SLCO3A1: variants seen among roughly 807,000 people sequenced by gnomAD.
The protein encoded by SLCO3A1 is solute carrier organic anion transporter family member 3A1, also known as PGE1 transporter.
Under a neutral mutation model 63.1 loss-of-function variants are expected in SLCO3A1, and 27 were observed. That is an observed-to-expected ratio of 0.43 (90% CI 0.32 to 0.59). The LOEUF (loss-of-function observed/expected upper bound fraction) is 0.59, where lower values mean the gene tolerates loss of function less well. Ranked by LOEUF, SLCO3A1 falls within the 20% of genes least tolerant of loss-of-function variation. SLCO3A1 has a pLI of 0.09. For missense variants in SLCO3A1, 773 were observed against 945.8 expected, an observed-to-expected ratio of 0.82 and a Z score of 2.40; for synonymous variants, 473 against 409.9, an observed-to-expected ratio of 1.15 and a Z score of -1.86.
chr15:92,018,427 C>T (rs1296803099), intron 2 of SLCO3A1, among the ~76,000 whole-genome samples: 1 of 152,196 alleles, frequency 6.6e-6, no homozygotes, highest in Non-Finnish European at 1.5e-5. Flanking sequence ...CTCCCTCCCT[C>T]CTAACCAGTG....
chr15:91,991,554 G>C (rs1368535184), intron 2 of SLCO3A1, among the ~76,000 whole-genome samples: 1 of 152,170 alleles, frequency 6.6e-6, no homozygotes, highest in African/African-American at 2.4e-5. Flanking sequence ...ACATTTGAGT[G>C]ATCTAAAATT....
intron 2 of SLCO3A1, among the ~76,000 whole-genome samples, chr15:92,047,512 TAAATAC>T (rs1567087715): frequency 5.4e-5 from 1 of 18,476 alleles, no homozygotes; most frequent in African/African-American, 2.0e-4. Flanking sequence ...TAAATATATA[TAAATAC>T]ATAAATAAAT....
At position 91,897,708 on chromosome 15, in the gene SLCO3A1, T is replaced by A. The variant is rs1597100319; in HGVS notation, c.181-18285T>A. Among the ~76,000 whole-genome samples, 1 of 152,144 alleles carries A rather than the reference T, an allele frequency of 6.6e-6. No individual in the cohort carries two copies. Among genetic ancestry groups the A allele is most frequent in the African/African-American group, 2.4e-5 (1 of 41,422 alleles). ...GGACAGTGGCGGCAGAGTGGATTGG[T>A]GTGCTCCCATGTGCTAGGCTGAGTC... is the stretch of plus-strand genomic sequence containing the variant. On this transcript the variant is annotated intron_variant, in intron 1 of 9. Coordinates refer to ENST00000318445, the MANE Select transcript of SLCO3A1 (RefSeq NM_013272.4). The surrounding 1 kb of genome is among the most constrained non-coding windows in gnomAD (Gnocchi z 4.7).
In SLCO3A1 at chr15:91,916,256, C is replaced by T. The variant is rs765930229; in HGVS notation, c.444C>T (p.Asp148=). ...GEIRWGAEGR[D]VCAANGSGGD... ...TCCGCTGGGGCGCCGAGGGCCGCGA[C>T]GTCTGCGCAGCCAACGGCTCGGGCG... The change falls in exon 2 of 10, where the codon GAC becomes GAT. Residue 148 remains aspartate, a synonymous_variant. Transcript: ENST00000318445. The surrounding 1 kb of genome is among the most constrained non-coding windows in gnomAD (Gnocchi z 6.2). 7.0e-6 allele frequency: 11 copies of T among 1,567,802 alleles called. No individual in the cohort carries two copies. Among genetic ancestry groups the T allele is most frequent in the African/African-American group, 5.4e-5 (4 of 73,990 alleles).
intron 1 of SLCO3A1, among the ~76,000 whole-genome samples, chr15:91,879,907 G>T (rs780290128): frequency 3.3e-5 from 5 of 152,312 alleles, no homozygotes; most frequent in Non-Finnish European, 7.3e-5. Context: ...TTTATGTAAG[G>T]ACAGTTGTGT....
intron 1 of SLCO3A1, among the ~76,000 whole-genome samples, chr15:91,881,683 T>G (rs1897591752): frequency 6.6e-6 from 1 of 152,134 alleles, no homozygotes; most frequent in Non-Finnish European, 1.5e-5. Context: ...AGCGAGCCAG[T>G]CAGCACATGG....
chr15:91,867,427 A>G (rs964891478), intron 1 of SLCO3A1, among the ~76,000 whole-genome samples: 1 of 152,212 alleles, frequency 6.6e-6, no homozygotes, highest in Non-Finnish European at 1.5e-5. Context: ...ACACCTCTGT[A>G]TTAAACCTCT....
chr15:92,048,507 G>A (rs1431776788), intron 2 of SLCO3A1, among the ~76,000 whole-genome samples: 1 of 152,148 alleles, frequency 6.6e-6, no homozygotes, highest in African/African-American at 2.4e-5. Context: ...GAAGTGACCT[G>A]TGTAGAATGT....
chr15:92,055,961 T>C (rs1194271993), intron 2 of SLCO3A1, among the ~76,000 whole-genome samples: 2 of 152,194 alleles, frequency 1.3e-5, no homozygotes, highest in East Asian at 1.9e-4. Flanking sequence ...CGTGGTTAAC[T>C]TCACTCTGTA....
chr15:92,082,216 T>G (rs2047355430), intron 2 of SLCO3A1, among the ~76,000 whole-genome samples: 1 of 152,218 alleles, frequency 6.6e-6, no homozygotes, highest in Non-Finnish European at 1.5e-5. Flanking sequence ...TTTCCTGCTG[T>G]TTATGGATCA....
chr15:92,091,319 G>A (rs962734244), intron 2 of SLCO3A1, among the ~76,000 whole-genome samples: 17 of 152,136 alleles, frequency 1.1e-4, no homozygotes, highest in African/African-American at 3.9e-4. Flanking sequence ...AGACAGCAGG[G>A]GGCAGCACCG....
chr15:92,086,136 C>G (rs1456840042), intron 2 of SLCO3A1, among the ~76,000 whole-genome samples: 1 of 152,198 alleles, frequency 6.6e-6, no homozygotes, highest in Non-Finnish European at 1.5e-5. Context: ...AGCACACTTG[C>G]TGTGGGGTGT....
chr15:92,135,385 G>T (rs2048045146), intron 7 of SLCO3A1, among the ~76,000 whole-genome samples: 2 of 152,212 alleles, frequency 1.3e-5, no homozygotes, highest in Admixed American at 1.3e-4. Flanking sequence ...GGGGTGCAAG[G>T]TGGAAGGAGG....
chr15:92,094,446 A>C (rs2047513986), intron 2 of SLCO3A1, among the ~76,000 whole-genome samples: 1 of 152,244 alleles, frequency 6.6e-6, no homozygotes, highest in African/African-American at 2.4e-5. Context: ...CTCACTTCAC[A>C]AAAAATTCTT....
intron 4 of SLCO3A1, among the ~76,000 whole-genome samples, chr15:92,114,053 C>G (rs207955): frequency 0.65 from 98,315 of 152,018 alleles, 33,469 homozygotes; most frequent in Admixed American, 0.77. Flanking sequence ...GCAATGGGGG[C>G]GTTCTTTGAT....
At chr15:91,986,867 T>TA in intron 2 of SLCO3A1, among the ~76,000 whole-genome samples, 1 of 152,342 alleles carries the variant, frequency 6.6e-6, no homozygotes, top group African/African-American at 2.4e-5. Context: ...AATTTAAACT[T>TA]TTAATGTCAA....
chr15:92,068,634 A>G (rs1878559), intron 2 of SLCO3A1, among the ~76,000 whole-genome samples: 17,843 of 152,228 alleles, frequency 0.12, 1,202 homozygotes, highest in East Asian at 0.27. Context: ...TGATCAAGAC[A>G]GCACAGAGGC....
chr15:91,942,600 T>C lies in SLCO3A1; in HGVS notation c.646+26142T>C, dbSNP rs1899661046. ...ATGTTTGTTTGTTTGTTTGTTTGTT[T>C]CGAGACCGAGTCTTGCTCTGTCGAC... On this transcript the variant is annotated intron_variant, in intron 2 of 9. Transcript: ENST00000318445. The surrounding 1 kb of genome is among the most constrained non-coding windows in gnomAD (Gnocchi z 4.1). 6.6e-6 allele frequency among the ~76,000 whole-genome samples: 1 copy of C among 151,710 alleles called. No individual in the cohort carries two copies. Among genetic ancestry groups the C allele is most frequent in the Non-Finnish European group, 1.5e-5 (1 of 67,884 alleles).
chr15:92,038,863 G>A (rs1775864958), intron 2 of SLCO3A1, among the ~76,000 whole-genome samples: 1 of 152,068 alleles, frequency 6.6e-6, no homozygotes. Context: ...ATACTACAAG[G>A]CTACGGTAAC....
Sources: gnomAD v4.1 joint callset for allele counts (sites outside exome capture counted in the v4.1 genomes callset) on GRCh38, gnomAD v4.1.1 for gene constraint, Gnocchi (gnomAD v3.1) non-coding constraint, MANE v1.5 for transcripts, NCBI Gene and HGNC (gene_info 2026-07-23, HGNC 2026-07-21) for gene names.